DSCAML1: variants seen among roughly 807,000 people sequenced by gnomAD.
DSCAML1 encodes DS cell adhesion molecule like 1.
In DSCAML1, 38 loss-of-function variants were observed where a neutral mutation model predicts 200.5. The ratio of observed to expected loss-of-function variants is 0.19; its 90% confidence interval spans 0.15 to 0.25. The LOEUF is 0.25. DSCAML1 is among the 10% of genes least tolerant of loss of function. The pLI is 1.00. For missense variants in DSCAML1, 2,223 were observed against 2,858.8 expected (o/e 0.78, Z 5.07); for synonymous variants, 1,215 against 1,165.0 (o/e 1.04, Z -0.87).
At chr11:117,763,991 T>A (rs910052086) in intron 3 of DSCAML1, among the ~76,000 whole-genome samples, 2 of 152,198 alleles carry the variant, frequency 1.3e-5, no homozygotes, top group South Asian at 4.1e-4. Flanking sequence ...AAGAACTTGA[T>A]TCCTTTCCTG....
At chr11:117,616,524 C>T (rs1470147928) in intron 3 of DSCAML1, among the ~76,000 whole-genome samples, 1 of 152,152 alleles carries the variant, frequency 6.6e-6, no homozygotes, top group African/African-American at 2.4e-5. Flanking sequence ...GAGTTTGTTC[C>T]AGTTTTGAAT....
At chr11:117,527,675 A>G (rs1378329947) in intron 4 of DSCAML1, among the ~76,000 whole-genome samples, 1 of 152,196 alleles carries the variant, frequency 6.6e-6, no homozygotes, top group Admixed American at 6.5e-5. Context: ...ACCCTTGTTC[A>G]GTAAATGGCG....
At chr11:117,799,000 G>A (rs2055631708), upstream of DSCAML1, among the ~76,000 whole-genome samples, 2 of 152,102 alleles carry the variant, frequency 1.3e-5, no homozygotes, top group African/African-American at 4.8e-5. Flanking sequence ...GACTGCAGGG[G>A]GTGTTTGAGA....
At chr11:117,596,669 G>T (rs981177030) in intron 3 of DSCAML1, among the ~76,000 whole-genome samples, 1 of 152,186 alleles carries the variant, frequency 6.6e-6, no homozygotes, top group Non-Finnish European at 1.5e-5. Flanking sequence ...GGTGTGGGAG[G>T]TGAAGACAGG....
intron 28 of DSCAML1, 39 bp from the exon 29 acceptor site, chr11:117,433,295 A>G (rs762913536): frequency 6.3e-7 from 1 of 1,586,522 alleles, no homozygotes; most frequent in Non-Finnish European, 8.6e-7. Context: ...CTCAGCAGCC[A>G]TAAGGGGTTG....
At chr11:117,599,128 C>T (rs1219559015) in intron 3 of DSCAML1, among the ~76,000 whole-genome samples, 3 of 55,632 alleles carry the variant, frequency 5.4e-5, no homozygotes, top group Non-Finnish European at 1.0e-4. Flanking sequence ...GGGCAGTAGC[C>T]GCAAAACCAC....
At chr11:117,612,991 A>G (rs2051727145) in intron 3 of DSCAML1, among the ~76,000 whole-genome samples, 1 of 152,150 alleles carries the variant, frequency 6.6e-6, no homozygotes, top group African/African-American at 2.4e-5. Context: ...CCTGAAAGCC[A>G]CGGAGGTTAG....
chr11:117,780,248 G>A lies in DSCAML1; in HGVS notation c.364+245C>T, dbSNP rs1437771897. Among the ~76,000 whole-genome samples, 6 of 76,670 alleles carry A rather than the reference G, an allele frequency of 7.8e-5. No individual in the cohort carries two copies. Among genetic ancestry groups the A allele is most frequent in the Admixed American group, 2.6e-4 (2 of 7,732 alleles). 50.3% of individuals were successfully genotyped at this position (76,670 alleles called of 152,430 possible). A position where few individuals can be genotyped will look rare whatever the true frequency, so the allele number is the denominator to read the frequency against. ...GAAAGAAAGGAAAGAAAGAAAGAAA[G>A]AAAGAAAGAAAGAAAGAAAGAAAGA... On this transcript the variant is annotated intron_variant, in intron 2 of 32. Coordinates refer to ENST00000651296, the MANE Select transcript of DSCAML1 (RefSeq NM_020693.4). This position sits in a 1 kb window ranked among gnomAD's most constrained non-coding sequence, Gnocchi z 4.8.
At chr11:117,449,551 C>T (rs935532661) in intron 20 of DSCAML1, among the ~76,000 whole-genome samples, 4 of 152,142 alleles carry the variant, frequency 2.6e-5, no homozygotes, top group Non-Finnish European at 4.4e-5. Flanking sequence ...TGGCCATAAG[C>T]TTATCTGCAG....
intron 3 of DSCAML1, among the ~76,000 whole-genome samples, chr11:117,716,177 G>T (rs1010877741): frequency 6.6e-6 from 1 of 152,268 alleles, no homozygotes; most frequent in South Asian, 2.1e-4. Flanking sequence ...ACAGCCCGGA[G>T]CGAGGAGCCA....
rs1284796813 is a variant in DSCAML1, at chr11:117,516,572, T to C, written c.1678A>G (p.Lys560Glu). The C allele has an allele frequency of 6.2e-7, 1 of 1,614,080 alleles. No individual in the cohort carries two copies. Residue 560 changes from lysine (K) to glutamate (E), a missense_variant, in exon 8 of 33, where the codon AAG becomes GAG. Around this residue, in one of 7 missense-constraint regions of DSCAML1, gnomAD observed 212 missense variants for 368.0 expected, o/e 0.58. Coordinates refer to ENST00000651296, the MANE Select transcript of DSCAML1 (RefSeq NM_020693.4). The surrounding 1 kb of genome is among the most constrained non-coding windows in gnomAD (Gnocchi z 5.7). Reference sequence around the variant, plus strand: ...ATGCCCTTCTGCACGTCAGTCAGCTTGAGGGTCCCATTCTCAAACACCACC... The same window carrying C: ...ATGCCCTTCTGCACGTCAGTCAGCTCGAGGGTCCCATTCTCAAACACCACC... Reference protein sequence around the residue: ...RQVVFENGTLKLTDVQKGMDE... With the variant: ...RQVVFENGTLELTDVQKGMDE...
At chr11:117,789,665 G>C (rs1036701145) in intron 1 of DSCAML1, among the ~76,000 whole-genome samples, 2 of 152,186 alleles carry the variant, frequency 1.3e-5, no homozygotes, top group East Asian at 1.9e-4. Context: ...TGCGTGTCCA[G>C]AGCAGGGGCC....
chr11:117,472,243 C>G (rs958467115), intron 14 of DSCAML1, among the ~76,000 whole-genome samples: 2 of 152,192 alleles, frequency 1.3e-5, no homozygotes, highest in African/African-American at 2.4e-5. Flanking sequence ...AAGCCTGACT[C>G]TCCTCTGCCA....
intron 3 of DSCAML1, among the ~76,000 whole-genome samples, chr11:117,634,272 T>C (rs1335187328): frequency 6.6e-6 from 1 of 152,200 alleles, no homozygotes; most frequent in Non-Finnish European, 1.5e-5. Flanking sequence ...AAGGTTATCC[T>C]GCTCTGAGCA....
intron 3 of DSCAML1, among the ~76,000 whole-genome samples, chr11:117,606,572 C>G (rs1416402453): frequency 1.3e-5 from 2 of 152,224 alleles, no homozygotes; most frequent in African/African-American, 4.8e-5. Context: ...AGAATATTCT[C>G]TCTTCTCTTA....
chr11:117,723,338 G>A (rs2054071639), intron 3 of DSCAML1, among the ~76,000 whole-genome samples: 1 of 152,034 alleles, frequency 6.6e-6, no homozygotes, highest in Admixed American at 6.5e-5. Flanking sequence ...TTTTGATCTC[G>A]GTCCATTAGG....
At chr11:117,593,711 G>GTT (rs374196105) in intron 3 of DSCAML1, among the ~76,000 whole-genome samples, 17 of 132,326 alleles carry the variant, frequency 1.3e-4, no homozygotes, top group South Asian at 4.9e-4. Context: ...TATATTTCTT[G>GTT]TTTTTTTTTT....
intron 3 of DSCAML1, among the ~76,000 whole-genome samples, chr11:117,681,416 T>C (rs2137694753): frequency 6.6e-6 from 1 of 152,322 alleles, no homozygotes; most frequent in Non-Finnish European, 1.5e-5. Context: ...GGACATGGCC[T>C]GCCCCCTCCT....
intron 3 of DSCAML1, among the ~76,000 whole-genome samples, chr11:117,541,762 A>G (rs2137367296): frequency 6.6e-6 from 1 of 152,290 alleles, no homozygotes; most frequent in Non-Finnish European, 1.5e-5. Context: ...AGCTGAGCCC[A>G]TGTGGGCAGT....
Sources: gnomAD v4.1 joint callset for allele counts (sites outside exome capture counted in the v4.1 genomes callset) on GRCh38, gnomAD v4.1.1 for gene constraint, gnomAD v4.1.1 regional missense constraint, Gnocchi (gnomAD v3.1) non-coding constraint, MANE v1.5 for transcripts, NCBI Gene and HGNC (gene_info 2026-07-23, HGNC 2026-07-21) for gene names.